ZPLD1: variants seen among roughly 807,000 people sequenced by gnomAD.
The protein encoded by ZPLD1 is zona pellucida-like domain-containing protein 1.
In ZPLD1, 34 loss-of-function variants were observed where a neutral mutation model predicts 47.2. The ratio of observed to expected loss-of-function variants is 0.72; its 90% CI spans 0.55 to 0.96. The LOEUF (loss-of-function observed/expected upper bound fraction) is 0.96. Among genes scored for constraint, ZPLD1 ranks in the 40% least tolerant of loss-of-function variants. ZPLD1 has a pLI of 0.00. For missense variants in ZPLD1, 512 were observed against 505.8 expected (o/e 1.01, Z -0.12); for synonymous variants, 176 against 186.2 (o/e 0.95, Z 0.45).
intron 7 of ZPLD1, among the ~76,000 whole-genome samples, chr3:102,402,763 C>T (rs77271358): frequency 6.6e-6 from 1 of 151,978 alleles, no homozygotes; most frequent in Non-Finnish European, 1.5e-5. Flanking sequence ...AAGCTGTTTC[C>T]TTCAGGTAGG....
At chr3:102,462,202 C>T (rs1707516748) in intron 6 of ZPLD1, 79 bp from the exon 7 acceptor site, 3 of 847,944 alleles carry the variant, frequency 3.5e-6, no homozygotes, top group African/African-American at 1.7e-5. Context: ...TTTTTTCTCT[C>T]TCTAATATTG....
At chr3:102,391,581 C>G (rs560147927) in intron 6 of ZPLD1, among the ~76,000 whole-genome samples, 1 of 151,980 alleles carries the variant, frequency 6.6e-6, no homozygotes, top group Non-Finnish European at 1.5e-5. Flanking sequence ...AAAGCAACCC[C>G]GTGGAGGAGC....
intron 7 of ZPLD1, among the ~76,000 whole-genome samples, chr3:102,398,914 A>G (rs900534961): frequency 6.6e-6 from 1 of 152,160 alleles, no homozygotes; most frequent in African/African-American, 2.4e-5. Flanking sequence ...ATGCACGCAC[A>G]CACTTTTATT....
At chr3:102,444,657 A>G (rs1406948009) in intron 3 of ZPLD1, among the ~76,000 whole-genome samples, 3 of 152,202 alleles carry the variant, frequency 2.0e-5, no homozygotes, top group Non-Finnish European at 2.9e-5. Context: ...GTTTAAAAAG[A>G]TGGTATAAAT....
intron 7 of ZPLD1, among the ~76,000 whole-genome samples, chr3:102,408,808 A>G (rs1706720085): frequency 6.6e-6 from 1 of 151,850 alleles, no homozygotes; most frequent in African/African-American, 2.4e-5. Context: ...TAAATTTGTC[A>G]CAAAACCTTT....
intron 8 of ZPLD1, among the ~76,000 whole-genome samples, chr3:102,468,343 T>A (rs1174603104): frequency 6.6e-6 from 1 of 152,168 alleles, no homozygotes; most frequent in Admixed American, 6.5e-5. Context: ...AGATTATTCA[T>A]TATTAGTTTT....
chr3:102,477,235 T>G (rs185212897), intron 11 of ZPLD1, among the ~76,000 whole-genome samples, 194 bp downstream of exon 11: 1 of 152,252 alleles, frequency 6.6e-6, no homozygotes, highest in African/African-American at 2.4e-5. Flanking sequence ...TTTGGTATTT[T>G]TGATTTTGGC....
rs1432711995 is a variant in ZPLD1, at chr3:102,436,840, C to T, written c.-122-20C>T. On this transcript the variant is annotated intron_variant, in intron 1 of 11. Coordinates refer to ENST00000466937, the MANE Select transcript of ZPLD1 (RefSeq NM_001329788.2). ...CAAAATAACTCACCAACTTAAATTC[C>T]TGATTCTGTAATTTCTTAGGATACA... 1 of 969,866 alleles carries T rather than the reference C, an allele frequency of 1.0e-6. No individual in the cohort carries two copies. Among genetic ancestry groups the T allele is most frequent in the African/African-American group, 1.8e-5 (1 of 56,882 alleles). The allele number at this position is 969,866 out of a possible 1,614,324, so 60.1% of individuals were successfully genotyped here.
At chr3:102,404,079 G>A (rs1019865079) in intron 7 of ZPLD1, among the ~76,000 whole-genome samples, 3 of 151,904 alleles carry the variant, frequency 2.0e-5, no homozygotes, top group African/African-American at 7.2e-5. Context: ...GCAGAAAACT[G>A]CCTATATTCC....
chr3:102,403,724 A>C (rs981269549), intron 7 of ZPLD1, among the ~76,000 whole-genome samples: 1 of 151,932 alleles, frequency 6.6e-6, no homozygotes, highest in Non-Finnish European at 1.5e-5. Context: ...TTGAAGTCAC[A>C]TAGGTATGGT....
chr3:102,459,322 T>A, intron 6 of ZPLD1, among the ~76,000 whole-genome samples: 1 of 152,204 alleles, frequency 6.6e-6, no homozygotes, highest in African/African-American at 2.4e-5. Context: ...TTTGTTCTAA[T>A]TGAGTGAGAC....
chr3:102,414,127 C>T (rs1706777657), intron 7 of ZPLD1, among the ~76,000 whole-genome samples: 1 of 151,728 alleles, frequency 6.6e-6, no homozygotes. Flanking sequence ...ACCTTCCAGC[C>T]TTGGTGGTCC....
chr3:102,462,236 G>A (rs1576162508), intron 6 of ZPLD1, 45 bp from the exon 7 acceptor site: 2 of 1,248,292 alleles, frequency 1.6e-6, no homozygotes, highest in Non-Finnish European at 2.3e-6. Flanking sequence ...TAAGTGTGCT[G>A]TTGTTGGGGA....
At chr3:102,414,152 C>T (rs951347762) in intron 7 of ZPLD1, among the ~76,000 whole-genome samples, 6 of 151,700 alleles carry the variant, frequency 4.0e-5, no homozygotes, top group Non-Finnish European at 8.8e-5. Context: ...AGTTTGTTTC[C>T]TGTTCTAGAG....
At chr3:102,387,009 G>C (rs965945791) in intron 6 of ZPLD1, among the ~76,000 whole-genome samples, 1 of 152,078 alleles carries the variant, frequency 6.6e-6, no homozygotes, top group African/African-American at 2.4e-5. Context: ...TGATAGCAAA[G>C]ATTTAGCTAT....
At chr3:102,433,061 G>T (rs1166495355), upstream of ZPLD1, among the ~76,000 whole-genome samples, 2 of 152,246 alleles carry the variant, frequency 1.3e-5, no homozygotes, top group Admixed American at 1.3e-4. Context: ...TAGAATGTAA[G>T]TTCTATGCAG....
intron 10 of ZPLD1, among the ~76,000 whole-genome samples, 192 bp from the exon 11 acceptor site, chr3:102,476,820 T>C (rs1707764337): frequency 6.6e-6 from 1 of 151,942 alleles, no homozygotes. Flanking sequence ...CCAGGACATA[T>C]GAAACAGGGC....
chr3:102,392,107 C>T (rs1355682773), intron 6 of ZPLD1: 1 of 152,146 alleles, frequency 6.6e-6, no homozygotes, highest in African/African-American at 2.4e-5. Context: ...TGGCCCTTTA[C>T]AGAAAAAGTT....
chr3:102,420,409 G>C (rs147692688), intron 8 of ZPLD1, among the ~76,000 whole-genome samples: 2 of 151,850 alleles, frequency 1.3e-5, no homozygotes, highest in East Asian at 3.9e-4. Context: ...AAACTTTTCC[G>C]TAAAGGGCCA....
Sources: gnomAD v4.1 joint callset for allele counts (sites outside exome capture counted in the v4.1 genomes callset) on GRCh38, gnomAD v4.1.1 for gene constraint, MANE v1.5 for transcripts, NCBI Gene and HGNC (gene_info 2026-07-23, HGNC 2026-07-21) for gene names.